Variants in DLG2 observed in about 807,000 individuals in gnomAD.
DLG2 encodes discs large MAGUK scaffold protein 2, also known as disks large homolog 2.
Under a neutral mutation model 132.5 loss-of-function variants are expected in DLG2, and 45 were observed. That is an observed-to-expected ratio of 0.34 (90% confidence interval 0.27 to 0.44). The LOEUF is 0.44. Among genes scored for constraint, DLG2 ranks in the 20% least tolerant of loss-of-function variants. DLG2 has a pLI of 1.00. For missense variants in DLG2, 1,045 were observed against 1,196.9 expected (o/e 0.87, Z 1.87); for synonymous variants, 424 against 419.6 (o/e 1.01, Z -0.13).
At chr11:84,754,107 G>A (rs2066539391) in intron 6 of DLG2, among the ~76,000 whole-genome samples, 1 of 152,174 alleles carries the variant, frequency 6.6e-6, no homozygotes, top group Non-Finnish European at 1.5e-5. Context: ...CTACTCCTTT[G>A]ATGAGCTTTG....
intron 3 of DLG2, among the ~76,000 whole-genome samples, chr11:85,506,360 T>C (rs1300090523): frequency 1.3e-5 from 2 of 152,206 alleles, no homozygotes; most frequent in African/African-American, 2.4e-5. Flanking sequence ...TTTAGTGCTA[T>C]AAATTTCCCT....
chr11:83,466,898 G>T (rs950087963), intron 25 of DLG2, 81 bp from the exon 26 acceptor site: 2 of 929,984 alleles, frequency 2.2e-6, no homozygotes, highest in African/African-American at 3.3e-5. Context: ...ATGTATGTAG[G>T]TTTTAGAGGA....
chr11:84,176,274 A>G (rs897437456), intron 8 of DLG2, among the ~76,000 whole-genome samples: 23 of 150,630 alleles, frequency 1.5e-4, no homozygotes, highest in African/African-American at 5.1e-4. Context: ...AAATAATTGT[A>G]GTTAATATTG....
chr11:84,322,951 T>C (rs2098412686), intron 7 of DLG2, among the ~76,000 whole-genome samples: 1 of 152,172 alleles, frequency 6.6e-6, no homozygotes, highest in South Asian at 2.1e-4. Flanking sequence ...AAATATCTCC[T>C]CTAATTCCCT....
At chr11:83,539,983 C>T (rs1169132452) in intron 20 of DLG2, among the ~76,000 whole-genome samples, 5 of 152,124 alleles carry the variant, frequency 3.3e-5, no homozygotes, top group Non-Finnish European at 5.9e-5. Context: ...ATAGTTCAAC[C>T]CCTGTATCCA....
At chr11:84,379,762 T>C (rs1413052933) in intron 7 of DLG2, among the ~76,000 whole-genome samples, 1 of 149,808 alleles carries the variant, frequency 6.7e-6, no homozygotes, top group East Asian at 1.9e-4. Context: ...TAATGGAAAA[T>C]AGGAAAAGAG....
intron 6 of DLG2, among the ~76,000 whole-genome samples, chr11:84,906,381 A>AACACACACACACACACACAC (rs35833007): frequency 9.6e-4 from 139 of 144,274 alleles, no homozygotes; most frequent in Non-Finnish European, 1.7e-3. Context: ...CAGCAAGGCT[A>AACACACACACACACACACAC]ACACACACAC....
chr11:83,778,355 G>A (rs781309276), intron 18 of DLG2, among the ~76,000 whole-genome samples: 20 of 152,080 alleles, frequency 1.3e-4, no homozygotes, highest in Non-Finnish European at 2.6e-4. Context: ...AGGTCTCCTT[G>A]TTGTCAAAAT....
intron 15 of DLG2, among the ~76,000 whole-genome samples, chr11:83,922,893 T>C (rs1038476570): frequency 6.6e-6 from 1 of 152,154 alleles, no homozygotes; most frequent in African/African-American, 2.4e-5. Context: ...AAAGCGGCTA[T>C]TATTTTGTCC....
intron 6 of DLG2, among the ~76,000 whole-genome samples, chr11:84,787,289 C>A (rs1281878657): frequency 6.6e-6 from 1 of 152,094 alleles, no homozygotes; most frequent in Non-Finnish European, 1.5e-5. Flanking sequence ...AGTGTCTGAC[C>A]TGGCGTGCTC....
intron 18 of DLG2, among the ~76,000 whole-genome samples, chr11:83,719,213 T>C (rs2087657723): frequency 6.6e-6 from 1 of 152,196 alleles, no homozygotes; most frequent in East Asian, 1.9e-4. Context: ...TTGTAATGGA[T>C]GCAGTGTTAG....
intron 3 of DLG2, among the ~76,000 whole-genome samples, chr11:85,510,877 C>T (rs1159694731): frequency 2.5e-4 from 38 of 152,048 alleles, no homozygotes; most frequent in Non-Finnish European, 4.1e-4. Flanking sequence ...ACTGGGTATA[C>T]ACCCAAAGGA....
At chr11:85,432,956 T>C (rs1219235849) in intron 3 of DLG2, among the ~76,000 whole-genome samples, 1 of 152,152 alleles carries the variant, frequency 6.6e-6, no homozygotes, top group African/African-American at 2.4e-5. Flanking sequence ...CCCATCAGAC[T>C]AACAGAAGAT....
intron 8 of DLG2, among the ~76,000 whole-genome samples, chr11:84,204,787 T>G (rs575117443): frequency 1.3e-5 from 2 of 152,168 alleles, no homozygotes; most frequent in Non-Finnish European, 2.9e-5. Context: ...CTGCACCCTC[T>G]GCCTCCTGAA....
chr11:85,423,619 A>T (rs889722073), intron 3 of DLG2, among the ~76,000 whole-genome samples: 1 of 151,790 alleles, frequency 6.6e-6, no homozygotes, highest in African/African-American at 2.4e-5. Flanking sequence ...GCTGTGGGGG[A>T]TGGGGGTGAG....
At chr11:84,785,101 G>T (rs2072632620) in intron 6 of DLG2, among the ~76,000 whole-genome samples, 1 of 151,906 alleles carries the variant, frequency 6.6e-6, no homozygotes, top group South Asian at 2.1e-4. Context: ...ATAAATAAAT[G>T]TATGATGAGA....
At chr11:85,182,651 C>A (rs2079798442) in intron 4 of DLG2, among the ~76,000 whole-genome samples, 1 of 151,416 alleles carries the variant, frequency 6.6e-6, no homozygotes, top group Non-Finnish European at 1.5e-5. Context: ...TGTGAACACA[C>A]ACATTCAGCT....
At chr11:84,459,559 T>G (rs2099074703) in intron 7 of DLG2, among the ~76,000 whole-genome samples, 1 of 150,630 alleles carries the variant, frequency 6.6e-6, no homozygotes, top group Non-Finnish European at 1.5e-5. Context: ...TTTTTTCAAC[T>G]TTTATATTTT....
Position 84,977,299 on chromosome 11 carries a change from T to C in DLG2, c.357+134362A>G, listed in dbSNP as rs372016446. Among the ~76,000 whole-genome samples, 7 of 152,130 alleles carry C rather than the reference T, an allele frequency of 4.6e-5. No homozygotes were observed. In the East Asian group the frequency reaches 9.6e-4, roughly 21 times the overall value. ...ATCTCTTTTTCTCTCTCCCACTCTATGTGAGTAGGCAACATCTTGCCTGAA... is the reference window on the plus strand; with the variant it reads ...ATCTCTTTTTCTCTCTCCCACTCTACGTGAGTAGGCAACATCTTGCCTGAA... On this transcript the variant is annotated intron_variant, in intron 6 of 27. Transcript: ENST00000376104.
Sources: allele counts gnomAD v4.1 joint callset (sites outside exome capture counted in the v4.1 genomes callset), GRCh38; gene constraint gnomAD v4.1.1; transcripts MANE v1.5; gene names NCBI Gene and HGNC (gene_info 2026-07-23, HGNC 2026-07-21).